The following SGCZ variants were observed in gnomAD, a reference collection of about 807,000 sequenced individuals.
SGCZ encodes the protein sarcoglycan zeta, also known as zeta-sarcoglycan.
A neutral mutation model predicts 41.3 loss-of-function variants in SGCZ; 40 were observed. That is an observed-to-expected ratio of 0.97 (90% confidence interval 0.75 to 1.26). The LOEUF is 1.26. Among genes scored for constraint, SGCZ ranks in the 50% most tolerant of loss-of-function variants. The probability of loss-of-function intolerance (pLI) is 0.00; values close to 1 mark genes in which losing one functional copy is unlikely to be tolerated. For synonymous variants in SGCZ, 206 were observed against 137.5 expected (o/e 1.50, Z -3.49); for missense variants, 552 against 369.8 (o/e 1.49, Z -4.04).
intron 4 of SGCZ, among the ~76,000 whole-genome samples, chr8:14,197,119 A>C (rs1231068932): frequency 6.6e-6 from 1 of 152,186 alleles, no homozygotes; most frequent in Non-Finnish European, 1.5e-5. Flanking sequence ...ATTAAATAGC[A>C]ATACAGTTGT....
chr8:14,460,582 A>G (rs1563344175), intron 2 of SGCZ, among the ~76,000 whole-genome samples: 1 of 152,168 alleles, frequency 6.6e-6, no homozygotes, highest in Non-Finnish European at 1.5e-5. Context: ...AAAGATGTGC[A>G]TAATAACAAG....
chr8:14,395,430 T>C (rs1370375531), intron 2 of SGCZ, among the ~76,000 whole-genome samples: 2 of 152,138 alleles, frequency 1.3e-5, no homozygotes, highest in Admixed American at 6.6e-5. Flanking sequence ...AAGAGACTAT[T>C]GCAAAGACAG....
intron 1 of SGCZ, among the ~76,000 whole-genome samples, chr8:14,803,275 G>T (rs907295367): frequency 6.6e-6 from 1 of 152,128 alleles, no homozygotes; most frequent in South Asian, 2.1e-4. Context: ...CAGCGTGAGC[G>T]ACGCAGAAGA....
In SGCZ at chr8:14,087,679, T is replaced by C. The variant is rs1801561303; in HGVS notation, c.*2764A>G. ...ATGGTACTGGGAAAACATAATCTGT[T>C]AGGGTACTGTGCAATTAAGGGACCA... is the stretch of plus-strand genomic sequence containing the variant. On this transcript the variant is annotated 3_prime_UTR_variant, in exon 8 of 8. Transcript: ENST00000382080. Among the ~76,000 whole-genome samples the C allele has an allele frequency of 6.6e-6, 1 of 151,146 alleles. No individual in the cohort carries two copies. The highest frequency in any genetic ancestry group is 6.6e-5 in the Admixed American group (1 of 15,124).
At chr8:14,699,677 A>T (rs956678439) in intron 1 of SGCZ, among the ~76,000 whole-genome samples, 6 of 151,920 alleles carry the variant, frequency 3.9e-5, no homozygotes, top group Admixed American at 2.6e-4. Flanking sequence ...GAGTAAAGAT[A>T]CAACCTACAG....
At chr8:14,612,678 TG>T (rs1274932020) in intron 1 of SGCZ, among the ~76,000 whole-genome samples, 1 of 151,522 alleles carries the variant, frequency 6.6e-6, no homozygotes, top group Non-Finnish European at 1.5e-5. Context: ...TTTGTTTTTT[TG>T]TTTTGTTTTG....
intron 2 of SGCZ, chr8:14,487,668 G>C (rs1490492108): frequency 6.6e-6 from 1 of 152,218 alleles, no homozygotes; most frequent in Non-Finnish European, 1.5e-5. Flanking sequence ...TCTTACCCCA[G>C]AGAGAAATTT....
intron 1 of SGCZ, among the ~76,000 whole-genome samples, chr8:14,921,296 G>A (rs943518189): frequency 6.6e-6 from 1 of 152,098 alleles, no homozygotes; most frequent in African/African-American, 2.4e-5. Flanking sequence ...AAGTTCTCCT[G>A]ATTAGTATAG....
chr8:14,376,926 T>G (rs1385523370), intron 2 of SGCZ, among the ~76,000 whole-genome samples: 1 of 152,164 alleles, frequency 6.6e-6, no homozygotes. Flanking sequence ...GAAATACATA[T>G]TTAGTCTTTG....
At chr8:14,807,701 G>A (rs528370500) in intron 1 of SGCZ, among the ~76,000 whole-genome samples, 15,396 of 151,614 alleles carry the variant, frequency 0.1, 1,292 homozygotes, top group African/African-American at 0.24. Flanking sequence ...AGCTACCAAT[G>A]CCTTTCTTCA....
intron 1 of SGCZ, among the ~76,000 whole-genome samples, chr8:14,583,886 A>T (rs1804974786): frequency 1.3e-5 from 2 of 152,072 alleles, no homozygotes; most frequent in South Asian, 4.2e-4. Flanking sequence ...TCTTATCTCA[A>T]ATATTTCTAT....
At chr8:14,905,090 C>A (rs1393180053) in intron 1 of SGCZ, among the ~76,000 whole-genome samples, 1 of 151,916 alleles carries the variant, frequency 6.6e-6, no homozygotes, top group African/African-American at 2.4e-5. Context: ...ACTTCCCAGT[C>A]ACAAATTATA....
chr8:14,614,779 G>A (rs1200454559), intron 1 of SGCZ, among the ~76,000 whole-genome samples: 1 of 152,016 alleles, frequency 6.6e-6, no homozygotes, highest in African/African-American at 2.4e-5. Flanking sequence ...AGTGGTGGGG[G>A]ATACATTTGA....
intron 1 of SGCZ, among the ~76,000 whole-genome samples, chr8:14,800,011 T>C (rs1801268144): frequency 6.6e-6 from 1 of 152,226 alleles, no homozygotes; most frequent in South Asian, 2.1e-4. Flanking sequence ...AAAATGTAGA[T>C]AATTGGTAAA....
intron 1 of SGCZ, among the ~76,000 whole-genome samples, chr8:14,621,848 A>C (rs1806297166): frequency 6.6e-6 from 1 of 152,258 alleles, no homozygotes; most frequent in Middle Eastern, 3.4e-3. Flanking sequence ...GAGCCAAATC[A>C]TATAGACTTC....
intron 3 of SGCZ, among the ~76,000 whole-genome samples, chr8:14,255,680 T>A (rs1488433949): frequency 6.6e-6 from 1 of 152,140 alleles, no homozygotes; most frequent in African/African-American, 2.4e-5. Flanking sequence ...GTTCACTGTC[T>A]TTGGATGAAT....
At chr8:14,393,834 T>TA (rs1187672718) in intron 2 of SGCZ, among the ~76,000 whole-genome samples, 1 of 152,182 alleles carries the variant, frequency 6.6e-6, no homozygotes, top group African/African-American at 2.4e-5. Context: ...TGCATTGACT[T>TA]ACAGATTCTA....
intron 1 of SGCZ, among the ~76,000 whole-genome samples, chr8:15,183,155 G>A (rs1473076584): frequency 7.8e-6 from 1 of 127,500 alleles, no homozygotes; most frequent in Admixed American, 8.2e-5. Context: ...CTGTTTTACA[G>A]TTAACTTTTT....
intron 3 of SGCZ, among the ~76,000 whole-genome samples, chr8:14,275,315 A>T (rs1800193102): frequency 6.6e-6 from 1 of 152,194 alleles, no homozygotes; most frequent in South Asian, 2.1e-4. Flanking sequence ...CCCTTTTGAT[A>T]AAACCTGATC....
Sources: gnomAD v4.1 joint callset for allele counts (sites outside exome capture counted in the v4.1 genomes callset) on GRCh38, gnomAD v4.1.1 for gene constraint, MANE v1.5 for transcripts, NCBI Gene and HGNC (gene_info 2026-07-23, HGNC 2026-07-21) for gene names.